Variants in CNTNAP5 observed in about 807,000 individuals in gnomAD.
CNTNAP5 encodes contactin associated protein family member 5.
CNTNAP5 carries 72 observed loss-of-function variants against 150.2 expected under a neutral mutation model. The ratio of observed to expected loss-of-function variants is 0.48; its 90% confidence interval spans 0.40 to 0.58. The LOEUF is 0.58. Among genes scored for constraint, CNTNAP5 ranks in the 20% least tolerant of loss-of-function variants. CNTNAP5 has a pLI of 0.00. For missense variants in CNTNAP5, 1,636 were observed against 1,626.2 expected (o/e 1.01, Z -0.10); for synonymous variants, 672 against 619.8 (o/e 1.08, Z -1.25).
At chr2:124,897,055 A>G (rs1038531626) in intron 21 of CNTNAP5, among the ~76,000 whole-genome samples, 9 of 151,598 alleles carry the variant, frequency 5.9e-5, no homozygotes, top group Non-Finnish European at 1.2e-4. Context: ...TATTCCAAGC[A>G]ATCTTTTTTA....
At chr2:124,336,489 A>G (rs1019350373) in intron 3 of CNTNAP5, among the ~76,000 whole-genome samples, 3 of 150,908 alleles carry the variant, frequency 2.0e-5, no homozygotes, top group African/African-American at 7.3e-5. Flanking sequence ...TCGTCATTTA[A>G]CATTAGGTAT....
At chr2:124,723,740 T>G (rs1266796686) in intron 13 of CNTNAP5, among the ~76,000 whole-genome samples, 1 of 152,138 alleles carries the variant, frequency 6.6e-6, no homozygotes, top group Admixed American at 6.6e-5. Context: ...ACAGAGTGCT[T>G]CTTCTGTGTG....
intron 1 of CNTNAP5, among the ~76,000 whole-genome samples, chr2:124,038,676 A>G (rs1055158811): frequency 1.3e-5 from 2 of 152,254 alleles, no homozygotes; most frequent in Admixed American, 1.3e-4. Context: ...ATAAATTACA[A>G]GAGCGGCTTT....
rs547343478 is a variant in CNTNAP5 at position 124,336,922 on chromosome 2, T to C, written c.382-80521T>C. ...GGATGGCTGGGTCAAATGGTATTTC[T>C]AGTTCTAGTTCCCTGAGGAATCGCC... On this transcript the variant is annotated intron_variant, in intron 3 of 23. Coordinates refer to ENST00000682447, the MANE Select transcript of CNTNAP5 (RefSeq NM_001367498.1). Among the ~76,000 whole-genome samples, 25 of 152,262 alleles carry C rather than the reference T, an allele frequency of 1.6e-4. No individual in the cohort carries two copies. In the South Asian group the frequency reaches 2.5e-3, roughly 15 times the overall value.
chr2:124,344,456 G>C (rs181684113), intron 3 of CNTNAP5, among the ~76,000 whole-genome samples: 19 of 152,250 alleles, frequency 1.2e-4, no homozygotes, highest in African/African-American at 4.3e-4. Flanking sequence ...CAAAAGAGAG[G>C]AATGATAGGC....
intron 3 of CNTNAP5, among the ~76,000 whole-genome samples, chr2:124,325,043 A>G (rs1425742): frequency 6.6e-6 from 1 of 152,160 alleles, no homozygotes; most frequent in Non-Finnish European, 1.5e-5. Flanking sequence ...TATTTGTGTT[A>G]CCACAACATT....
In CNTNAP5 at chr2:124,749,287, A is replaced by G. The variant is rs190469259; in HGVS notation, c.2234+1902A>G. 9.2e-5 allele frequency among the ~76,000 whole-genome samples: 14 copies of G among 152,196 alleles called. No individual in the cohort carries two copies. The East Asian group carries it at 2.7e-3, about 30-fold the overall frequency. On this transcript the variant is annotated intron_variant, in intron 14 of 23. Transcript: ENST00000682447. Reference sequence around the variant, plus strand: ...CAAAGAAACAGATATAGGAGCTAGAATAGGTAGAAGTGCTTCCCCCTAGTT... The same window carrying G: ...CAAAGAAACAGATATAGGAGCTAGAGTAGGTAGAAGTGCTTCCCCCTAGTT...
chr2:124,168,253 A>G (rs570545098), intron 1 of CNTNAP5, among the ~76,000 whole-genome samples: 4 of 152,180 alleles, frequency 2.6e-5, no homozygotes, highest in Non-Finnish European at 5.9e-5. Context: ...ATCTCTGATC[A>G]TTTCCTAACA....
rs567087012 is a variant in CNTNAP5, at chr2:124,095,242, G to A, written c.82+69510G>A. On this transcript the variant is annotated intron_variant, in intron 1 of 23. Coordinates refer to ENST00000682447, the MANE Select transcript of CNTNAP5 (RefSeq NM_001367498.1). Reference sequence around the variant, plus strand: ...CATCCTTCTCAGCAAACTAACACATGAACAGAAAGCCAAGCACTGCATGTT... The same window carrying A: ...CATCCTTCTCAGCAAACTAACACATAAACAGAAAGCCAAGCACTGCATGTT... Among the ~76,000 whole-genome samples, 46 of 152,258 alleles carry A rather than the reference G, an allele frequency of 3.0e-4. 1 individual carries two copies.
Position 124,865,716 on chromosome 2 carries a change from C to T in CNTNAP5, c.3348+280C>T, listed in dbSNP as rs80337904. Among the ~76,000 whole-genome samples, 93 of 152,128 alleles carry T rather than the reference C, an allele frequency of 6.1e-4. No individual in the cohort carries two copies. The East Asian group carries it at 8.9e-3, about 15-fold the overall frequency. On this transcript the variant is annotated intron_variant, in intron 20 of 23. Transcript: ENST00000682447. ...ATCCCAGCACTTTGGGAGTCTGAGG[C>T]GGGCAGATCAAGAGGTCAGGAGTTC...
chr2:124,607,627 T>C (rs939172692), intron 11 of CNTNAP5, among the ~76,000 whole-genome samples: 14 of 152,150 alleles, frequency 9.2e-5, no homozygotes, highest in Admixed American at 9.2e-4. Context: ...TGGGGTAGCT[T>C]GTCCACGCTT....
chr2:124,551,227 G>T (rs547900052), intron 10 of CNTNAP5, among the ~76,000 whole-genome samples: 58 of 152,156 alleles, frequency 3.8e-4, no homozygotes, highest in African/African-American at 1.3e-3. Flanking sequence ...GGGGATCATC[G>T]CAACAATCTG....
intron 17 of CNTNAP5, among the ~76,000 whole-genome samples, chr2:124,783,618 G>T (rs1269843420): frequency 3.9e-5 from 6 of 152,046 alleles, no homozygotes; most frequent in African/African-American, 1.4e-4. Context: ...ATTTTAATCT[G>T]TTAACCAAAT....
At chr2:124,323,418 C>A (rs1349969076) in intron 3 of CNTNAP5, among the ~76,000 whole-genome samples, 3 of 152,122 alleles carry the variant, frequency 2.0e-5, no homozygotes, top group East Asian at 1.9e-4. Flanking sequence ...ATCTTGTGTG[C>A]CCTATGAGTC....
intron 8 of CNTNAP5, among the ~76,000 whole-genome samples, chr2:124,520,115 A>G (rs1434042922): frequency 6.6e-6 from 1 of 152,218 alleles, no homozygotes; most frequent in Non-Finnish European, 1.5e-5. Flanking sequence ...AGTTTTTAAC[A>G]AGATGGGAAT....
At chr2:124,398,046 T>C (rs1691302174) in intron 3 of CNTNAP5, among the ~76,000 whole-genome samples, 1 of 152,216 alleles carries the variant, frequency 6.6e-6, no homozygotes, top group African/African-American at 2.4e-5. Context: ...TTTAGTGCTG[T>C]CCTCTCCTTT....
intron 1 of CNTNAP5, among the ~76,000 whole-genome samples, chr2:124,150,822 A>G (rs919872850): frequency 6.6e-6 from 1 of 152,148 alleles, no homozygotes; most frequent in African/African-American, 2.4e-5. Flanking sequence ...TAAGGCTTCA[A>G]TATGTGCATT....
intron 1 of CNTNAP5, among the ~76,000 whole-genome samples, chr2:124,099,387 T>C (rs1337115889): frequency 6.6e-6 from 1 of 152,176 alleles, no homozygotes; most frequent in African/African-American, 2.4e-5. Flanking sequence ...TTTGTACATC[T>C]AACATTCACC....
intron 3 of CNTNAP5, among the ~76,000 whole-genome samples, chr2:124,265,008 A>G (rs1038228906): frequency 6.6e-6 from 1 of 152,202 alleles, no homozygotes; most frequent in African/African-American, 2.4e-5. Flanking sequence ...CTAAGAGATG[A>G]CAGAGTGGCT....
Sources: gnomAD v4.1 joint callset for allele counts (sites outside exome capture counted in the v4.1 genomes callset) on GRCh38, gnomAD v4.1.1 for gene constraint, MANE v1.5 for transcripts, NCBI Gene and HGNC (gene_info 2026-07-23, HGNC 2026-07-21) for gene names.